USP32: variants seen among roughly 807,000 people sequenced by gnomAD.
The protein encoded by USP32 is ubiquitin carboxyl-terminal hydrolase 32.
In USP32, 59 loss-of-function variants were observed where a neutral mutation model predicts 204.8. That is an observed-to-expected ratio of 0.29 (90% CI 0.23 to 0.36). USP32 has a LOEUF of 0.36. USP32 is among the 10% of genes least tolerant of loss of function. The pLI is 1.00. For synonymous variants in USP32, 517 were observed against 678.4 expected, an observed-to-expected ratio of 0.76 and a Z score of 3.70; for missense variants, 1,160 against 1,946.4, an observed-to-expected ratio of 0.60 and a Z score of 7.60.
chr17:60,297,436 T>C (rs1390016137), intron 3 of USP32, among the ~76,000 whole-genome samples: 1 of 146,848 alleles, frequency 6.8e-6, no homozygotes, highest in African/African-American at 2.7e-5. Flanking sequence ...TGCTACAATG[T>C]TTTTCCTTTT....
At chr17:60,289,857 G>C (rs1025961027) in intron 4 of USP32, among the ~76,000 whole-genome samples, 1 of 152,212 alleles carries the variant, frequency 6.6e-6, no homozygotes, top group Middle Eastern at 3.4e-3. Flanking sequence ...TAAAGAATAC[G>C]AATAATTAGT....
chr17:60,313,986 A>G (rs1323740839), intron 2 of USP32, among the ~76,000 whole-genome samples: 1 of 152,158 alleles, frequency 6.6e-6, no homozygotes, highest in African/African-American at 2.4e-5. Context: ...ACTGGTATAC[A>G]AGAAGTTTAA....
chr17:60,237,445 T>C (rs1000342020), intron 11 of USP32, among the ~76,000 whole-genome samples: 3 of 151,870 alleles, frequency 2.0e-5, no homozygotes, highest in Non-Finnish European at 4.4e-5. Flanking sequence ...GAGGTGAAAA[T>C]GGCATAATAT....
chr17:60,350,015 GTTTT>G, intron 1 of USP32, among the ~76,000 whole-genome samples: 1 of 144,152 alleles, frequency 6.9e-6, no homozygotes, highest in East Asian at 2.0e-4. Flanking sequence ...GTTGGTTTTT[GTTTT>G]TTTTTTTATT....
Position 60,223,444 on chromosome 17 carries a change from A to G in USP32, c.1575T>C (p.Asp525=). ...HLNPQKPGAI[D]NQPLVTQEPV... Reference sequence around the variant, plus strand: ...GTTCTTGAGTTACTAATGGCTGATTATCAATAGCCCCTGGTTTCTGAGGGT... The same window carrying G: ...GTTCTTGAGTTACTAATGGCTGATTGTCAATAGCCCCTGGTTTCTGAGGGT... The change falls in exon 14 of 34, where the codon GAT becomes GAC. Residue 525 remains aspartate (D), a synonymous_variant. Coordinates refer to ENST00000300896, the MANE Select transcript of USP32 (RefSeq NM_032582.4). 2.5e-6 allele frequency: 4 copies of G among 1,611,758 alleles called. No homozygotes were observed. Among genetic ancestry groups the G allele is most frequent in the Non-Finnish European group, 3.4e-6 (4 of 1,179,488 alleles).
In USP32 at chr17:60,255,270, A is replaced by T; in HGVS notation, c.991-12T>A. On this transcript the variant is annotated splice_polypyrimidine_tract_variant and intron_variant, in intron 9 of 33. Coordinates refer to ENST00000300896, the MANE Select transcript of USP32 (RefSeq NM_032582.4). ...GTAAGATGACCCATCTGAAACAGAG[A>T]CACTCATGTTAGGAACATCTTTTTT... The T allele has an allele frequency of 6.3e-7, 1 of 1,578,998 alleles. No homozygotes were observed. Among genetic ancestry groups the T allele is most frequent in the Non-Finnish European group, 8.6e-7 (1 of 1,162,900 alleles).
Position 60,177,397 on chromosome 17 carries a change from TTGTC to T in USP32, c.*1854_*1857del, listed in dbSNP as rs2083993151. On this transcript the variant is annotated 3_prime_UTR_variant, in exon 34 of 34. Coordinates refer to ENST00000300896, the MANE Select transcript of USP32 (RefSeq NM_032582.4). Reference sequence around the variant, plus strand: ...TTAACATCTTTCTAAAGTCAGTGCATTGTCAACAAGTTTTATACAGTAATTTACA... The same window carrying T: ...TTAACATCTTTCTAAAGTCAGTGCATAACAAGTTTTATACAGTAATTTACA... Among the ~76,000 whole-genome samples, 2 of 152,238 alleles carry T rather than the reference TTGTC, an allele frequency of 1.3e-5. No individual in the cohort carries two copies. Among genetic ancestry groups the T allele is most frequent in the African/African-American group, 4.8e-5 (2 of 41,462 alleles).
At chr17:60,269,344 A>C (rs2086672556) in intron 7 of USP32, 106 bp downstream of exon 7, 1 of 816,360 alleles carries the variant, frequency 1.2e-6, no homozygotes, top group Non-Finnish European at 1.9e-6. Flanking sequence ...TAATCTGACA[A>C]AGTTATAAAA....
chr17:60,198,540 A>G, intron 26 of USP32, 96 bp from the exon 27 acceptor site: 1 of 1,411,648 alleles, frequency 7.1e-7, no homozygotes, highest in Non-Finnish European at 9.7e-7. Flanking sequence ...AGGCACTATC[A>G]CCATTTCAAA....
At chr17:60,396,691 C>G (rs1420273841), upstream of USP32, among the ~76,000 whole-genome samples, 1 of 152,104 alleles carries the variant, frequency 6.6e-6, no homozygotes, top group Non-Finnish European at 1.5e-5. Flanking sequence ...GAGTTTAAGA[C>G]ACACAGGATT....
chr17:60,243,879 A>G (rs1017277847), intron 11 of USP32, among the ~76,000 whole-genome samples: 2 of 152,170 alleles, frequency 1.3e-5, no homozygotes, highest in African/African-American at 2.4e-5. Flanking sequence ...CTCTGGCTCC[A>G]GTAACTTGAC....
intron 2 of USP32, among the ~76,000 whole-genome samples, chr17:60,331,835 G>A (rs1195133852): frequency 2.7e-5 from 4 of 147,874 alleles, no homozygotes; most frequent in East Asian, 4.0e-4. Context: ...GGAGGTCAAC[G>A]CTGCAGTGAG....
At chr17:60,345,442 A>AT (rs1484366560) in intron 2 of USP32, 39 bp downstream of exon 2, 8 of 1,608,118 alleles carry the variant, frequency 5.0e-6, no homozygotes, top group Non-Finnish European at 6.8e-6. Context: ...GTGGAGGTGG[A>AT]TAACTACCTC....
chr17:60,404,001 C>G (rs902881174), intron 1 of USP32, among the ~76,000 whole-genome samples: 1 of 150,316 alleles, frequency 6.7e-6, no homozygotes, highest in South Asian at 2.1e-4. Context: ...GATCACACCA[C>G]TGCACTCCAG....
At chr17:60,259,422 G>C (rs148556588) in intron 9 of USP32, among the ~76,000 whole-genome samples, 7 of 152,296 alleles carry the variant, frequency 4.6e-5, no homozygotes, top group Non-Finnish European at 4.4e-5. Flanking sequence ...AATTGTCCCA[G>C]TATGAGTGAG....
In USP32 at chr17:60,205,990, T is replaced by C. The variant is rs149386197; in HGVS notation, c.3038-332A>G. 6.3e-4 allele frequency among the ~76,000 whole-genome samples: 96 copies of C among 152,314 alleles called. No homozygotes were observed. The Middle Eastern group carries it at 0.037, about 59-fold the overall frequency. On this transcript the variant is annotated intron_variant, in intron 25 of 33. Coordinates refer to ENST00000300896, the MANE Select transcript of USP32 (RefSeq NM_032582.4). ...CTTCTCTTTGCCTTTGAAGACACTG[T>C]CCAATACAGTAACCTCTACCCAGAT...
chr17:60,311,451 T>G (rs2087851305), intron 2 of USP32, among the ~76,000 whole-genome samples: 1 of 152,168 alleles, frequency 6.6e-6, no homozygotes, highest in African/African-American at 2.4e-5. Flanking sequence ...GAGAGGGAAA[T>G]TTGTCTGTAT....
chr17:60,211,529 A>G lies in USP32; in HGVS notation c.2180-15T>C, dbSNP rs796402027. The G allele has an allele frequency of 1.2e-6, 2 of 1,604,324 alleles. No individual in the cohort carries two copies. The highest frequency in any genetic ancestry group is 1.7e-4 in the Middle Eastern group (1 of 6,020). Reference sequence around the variant, plus strand: ...TTCTGTGGGAACTGGAACAAACAATATGAGAACCAAAGCTTAGCTGTAGTA... The same window carrying G: ...TTCTGTGGGAACTGGAACAAACAATGTGAGAACCAAAGCTTAGCTGTAGTA... On this transcript the variant is annotated splice_polypyrimidine_tract_variant and intron_variant, in intron 19 of 33. Transcript: ENST00000300896.
At chr17:60,329,448 A>T (rs922928250) in intron 2 of USP32, among the ~76,000 whole-genome samples, 1 of 151,792 alleles carries the variant, frequency 6.6e-6, no homozygotes. Flanking sequence ...TACTCTGCTT[A>T]AATTTATTAT....
Sources: allele counts gnomAD v4.1 joint callset (sites outside exome capture counted in the v4.1 genomes callset), GRCh38; gene constraint gnomAD v4.1.1; transcripts MANE v1.5; gene names NCBI Gene and HGNC (gene_info 2026-07-23, HGNC 2026-07-21).